Variants in PRELID2 observed in about 807,000 individuals in gnomAD.
PRELID2 encodes the protein PRELI domain-containing protein 2.
Under a neutral mutation model 28.4 loss-of-function variants are expected in PRELID2, and 25 were observed. That is an observed-to-expected ratio of 0.88 (90% CI 0.64 to 1.23). The LOEUF (loss-of-function observed/expected upper bound fraction) is 1.23. Ranked by LOEUF, PRELID2 falls within the 50% of genes most tolerant of loss-of-function variation. The pLI is 0.00. For missense variants in PRELID2, 201 were observed against 214.4 expected (o/e 0.94, Z 0.39); for synonymous variants, 76 against 71.6 (o/e 1.06, Z -0.31).
the PRELID2 span, among the ~76,000 whole-genome samples, chr5:145,347,053 C>T: frequency 6.6e-6 from 1 of 152,104 alleles, no homozygotes; most frequent in Admixed American, 6.6e-5. Flanking sequence ...GGGGAAATAG[C>T]TGGTCCTGTG....
intron 1 of PRELID2, among the ~76,000 whole-genome samples, chr5:145,735,696 G>C (rs148315294): frequency 6.6e-6 from 1 of 152,246 alleles, no homozygotes; most frequent in African/African-American, 2.4e-5. Context: ...GTGTGCTCCT[G>C]GACAAGTCAC....
chr5:145,654,970 C>T lies in PRELID2; in HGVS notation n.70+109961G>A, dbSNP rs1381853496. ...GAGGAAGTCAAATTGTCCCTGTTTGCAGATGACATGACTGTATATGTAGAA... is the reference window on the plus strand; with the variant it reads ...GAGGAAGTCAAATTGTCCCTGTTTGTAGATGACATGACTGTATATGTAGAA... On this transcript the variant is annotated intron_variant and non_coding_transcript_variant, in intron 1 of 2. Coordinates refer to the PRELID2 transcript ENST00000510259. Among the ~76,000 whole-genome samples, 3 of 152,052 alleles carry T rather than the reference C, an allele frequency of 2.0e-5. 1 individual carries two copies. Among genetic ancestry groups the T allele is most frequent in the African/African-American group, 7.2e-5 (3 of 41,442 alleles).
At chr5:145,470,100 G>A (rs1418840447), downstream of PRELID2, among the ~76,000 whole-genome samples, 1 of 152,122 alleles carries the variant, frequency 6.6e-6, no homozygotes, top group African/African-American at 2.4e-5. Flanking sequence ...TAAATCACAC[G>A]AAGGGTGGGA....
chr5:145,453,013 A>G, the PRELID2 span, among the ~76,000 whole-genome samples: 2 of 152,200 alleles, frequency 1.3e-5, no homozygotes, highest in Non-Finnish European at 2.9e-5. Flanking sequence ...CAAAGGATGT[A>G]CAAATGGATA....
At chr5:145,371,885 T>TAAAA in the PRELID2 span, among the ~76,000 whole-genome samples, 617 of 124,296 alleles carry the variant, frequency 5.0e-3, 4 homozygotes, top group South Asian at 0.019. Context: ...TTTTGTTAAT[T>TAAAA]TAAAAAAAAA....
At chr5:145,472,952 G>A (rs1346771759) in intron 2 of PRELID2, among the ~76,000 whole-genome samples, 1 of 151,864 alleles carries the variant, frequency 6.6e-6, no homozygotes, top group Admixed American at 6.6e-5. Context: ...CTTTTTTTAA[G>A]GAACCTAGGA....
At chr5:145,823,209 G>A in intron 1 of PRELID2, 75 bp from the exon 2 acceptor site, 1 of 737,292 alleles carries the variant, frequency 1.4e-6, no homozygotes, top group South Asian at 1.7e-5. Context: ...AACCACAGCT[G>A]TCTGCAGGAC....
In PRELID2 at chr5:145,757,889, G is replaced by A. The variant is rs560132929; in HGVS notation, c.*2647C>T. On this transcript the variant is annotated 3_prime_UTR_variant, in exon 7 of 7. Coordinates refer to ENST00000683046, the MANE Select transcript of PRELID2 (RefSeq NM_205846.3). Reference sequence around the variant, plus strand: ...AGCTGGAAGCAATAGCTGCCTGCAGGGGGAAAATTACTGAGTGAGGAAAAG... The same window carrying A: ...AGCTGGAAGCAATAGCTGCCTGCAGAGGGAAAATTACTGAGTGAGGAAAAG... Among the ~76,000 whole-genome samples the A allele has an allele frequency of 1.3e-5, 2 of 151,978 alleles. No individual in the cohort carries two copies. Among genetic ancestry groups the A allele is most frequent in the South Asian group, 2.1e-4 (1 of 4,816 alleles).
At chr5:145,579,787 A>C (rs1216846205) in intron 1 of PRELID2, among the ~76,000 whole-genome samples, 1 of 152,040 alleles carries the variant, frequency 6.6e-6, no homozygotes, top group Non-Finnish European at 1.5e-5. Flanking sequence ...ATTGGGTCTT[A>C]TCCAATAGAA....
At chr5:145,306,621 A>C in the PRELID2 span, among the ~76,000 whole-genome samples, 1 of 152,196 alleles carries the variant, frequency 6.6e-6, no homozygotes, top group Admixed American at 6.5e-5. Flanking sequence ...ACAGTTGAGT[A>C]AATCATATTT....
chr5:145,372,372 G>A, the PRELID2 span, among the ~76,000 whole-genome samples: 2 of 151,906 alleles, frequency 1.3e-5, no homozygotes, highest in Admixed American at 1.3e-4. Flanking sequence ...CAATTACATG[G>A]TCAATTTTAG....
the PRELID2 span, among the ~76,000 whole-genome samples, chr5:145,449,844 G>C: frequency 6.6e-6 from 1 of 152,204 alleles, no homozygotes; most frequent in East Asian, 1.9e-4. Flanking sequence ...GGTAAGGACT[G>C]GGTTTTCTTA....
chr5:145,555,177 T>C (rs1298270140), intron 1 of PRELID2, among the ~76,000 whole-genome samples: 1 of 152,210 alleles, frequency 6.6e-6, no homozygotes, highest in Non-Finnish European at 1.5e-5. Context: ...ATTAGAGCAG[T>C]GTCCATCAAA....
chr5:145,464,340 T>G, the PRELID2 span, among the ~76,000 whole-genome samples: 2 of 152,164 alleles, frequency 1.3e-5, no homozygotes, highest in African/African-American at 4.8e-5. Flanking sequence ...TATATACCTC[T>G]CTTAGTGCCA....
the PRELID2 span, among the ~76,000 whole-genome samples, chr5:145,381,320 A>G: frequency 6.6e-6 from 1 of 152,198 alleles, no homozygotes; most frequent in Non-Finnish European, 1.5e-5. Flanking sequence ...AGGCTTGAAA[A>G]TGAGGAGGGA....
the PRELID2 span, among the ~76,000 whole-genome samples, chr5:145,376,508 C>T: frequency 2.0e-5 from 3 of 152,072 alleles, no homozygotes; most frequent in African/African-American, 4.8e-5. Context: ...TAGAATTCAC[C>T]TGTGAATCCA....
intron 1 of PRELID2, among the ~76,000 whole-genome samples, chr5:145,726,835 T>C (rs1225416519): frequency 6.6e-6 from 1 of 152,202 alleles, no homozygotes; most frequent in Non-Finnish European, 1.5e-5. Context: ...ACTCAAACTG[T>C]GGGAGCTTGC....
intron 1 of PRELID2, among the ~76,000 whole-genome samples, chr5:145,489,240 ATT>A (rs778277063): frequency 2.0e-4 from 30 of 152,156 alleles, no homozygotes; most frequent in Non-Finnish European, 3.5e-4. Flanking sequence ...GTTTATCTTA[ATT>A]TCAACTAAAG....
At chr5:145,542,889 T>G (rs1471598115) in intron 1 of PRELID2, among the ~76,000 whole-genome samples, 1 of 152,020 alleles carries the variant, frequency 6.6e-6, no homozygotes, top group African/African-American at 2.4e-5. Flanking sequence ...ATTGGTGGTA[T>G]GCATCCTATC....
Sources: allele counts gnomAD v4.1 joint callset (sites outside exome capture counted in the v4.1 genomes callset), GRCh38; gene constraint gnomAD v4.1.1; transcripts MANE v1.5; gene names NCBI Gene and HGNC (gene_info 2026-07-23, HGNC 2026-07-21).